The following PRPF40B variants were observed in gnomAD, a reference collection of about 807,000 sequenced individuals.
PRPF40B encodes the protein pre-mRNA-processing factor 40 homolog B.
PRPF40B carries 56 observed loss-of-function variants against 124.5 expected under a neutral mutation model. The ratio of observed to expected loss-of-function variants is 0.45; its 90% CI spans 0.36 to 0.56. PRPF40B has a LOEUF of 0.56. PRPF40B is among the 20% of genes least tolerant of loss of function. The probability of loss-of-function intolerance (pLI) is 0.00; values close to 1 mark genes in which losing one functional copy is unlikely to be tolerated. For missense variants in PRPF40B, 1,053 were observed against 1,169.5 expected (o/e 0.90, Z 1.45); for synonymous variants, 443 against 426.4 (o/e 1.04, Z -0.48).
At chr12:49,627,893 C>G (rs992519867) in intron 1 of PRPF40B, among the ~76,000 whole-genome samples, 1 of 152,104 alleles carries the variant, frequency 6.6e-6, no homozygotes, top group Admixed American at 6.5e-5. Context: ...GTTAACAAGA[C>G]TTGGTGATTT....
rs545080913 is a variant in PRPF40B, at chr12:49,628,602, C to T, written c.4-1943C>T. On this transcript the variant is annotated intron_variant, in intron 1 of 25. Coordinates refer to ENST00000548825, the MANE Select transcript of PRPF40B (RefSeq NM_001031698.3). ...TTTTGGAGACGAAATCTCGCTCTGTCGCCCAGGCTGGAGTTGGAGTGCAGT... is the reference window on the plus strand; with the variant it reads ...TTTTGGAGACGAAATCTCGCTCTGTTGCCCAGGCTGGAGTTGGAGTGCAGT... Among the ~76,000 whole-genome samples the T allele has an allele frequency of 7.2e-5, 10 of 139,356 alleles. No individual in the cohort carries two copies. In the South Asian group the frequency reaches 1.6e-3, roughly 22 times the overall value. The allele number at this position is 139,356 out of a possible 152,430, so 91.4% of individuals were successfully genotyped here. A position where few individuals can be genotyped will look rare whatever the true frequency, so the allele number is the denominator to read the frequency against.
chr12:49,627,055 T>C (rs1940784098), intron 1 of PRPF40B, among the ~76,000 whole-genome samples: 1 of 152,224 alleles, frequency 6.6e-6, no homozygotes, highest in Non-Finnish European at 1.5e-5. Context: ...AGTTAACACA[T>C]ACTTATTAGC....
At chr12:49,634,636 A>G (rs372557731) in intron 12 of PRPF40B, 34 bp downstream of exon 12, 6 of 1,613,296 alleles carry the variant, frequency 3.7e-6, no homozygotes, top group Non-Finnish European at 5.1e-6. Flanking sequence ...GGCCCTGTTC[A>G]TGAGAGCAGC....
Position 49,635,375 on chromosome 12 carries a change from C to A in PRPF40B, c.1177C>A (p.Gln393Lys). 1 of 1,613,508 alleles carries A rather than the reference C, an allele frequency of 6.2e-7. No individual in the cohort carries two copies. Among genetic ancestry groups the A allele is most frequent in the Non-Finnish European group, 8.5e-7 (1 of 1,179,702 alleles). ...TSTTRYRRAE[Q>K]TFGELEVWAV... ...TTATATGCTCCACAGGCGGGCAGAA[C>A]AGACCTTTGGGGAGCTGGAGGTCTG... The change falls in exon 14 of 26, where the codon CAG becomes AAG. Residue 393 changes from glutamine (Q) to lysine (K), a missense_variant. Coordinates refer to ENST00000548825, the MANE Select transcript of PRPF40B (RefSeq NM_001031698.3). The surrounding 1 kb of genome is among the most constrained non-coding windows in gnomAD (Gnocchi z 4.1).
Position 49,637,749 on chromosome 12 carries a change from C to T in PRPF40B, c.1692C>T (p.Asp564=). The stretch of plus-strand genomic sequence containing the variant: ...TCCTTACAGGCTCCACCCCTCTGGA[C>T]TTATTCAAGTTCTATGTGGAGGAGT... ...MLGQPGSTPL[D]LFKFYVEELK... is the part of the protein sequence containing the mutation. Residue 564 remains aspartate (D), a synonymous_variant, in exon 18 of 26, where the codon GAC becomes GAT. Transcript: ENST00000548825. 6.2e-7 allele frequency: 1 copy of T among 1,608,262 alleles called. No homozygotes were observed. Among genetic ancestry groups the T allele is most frequent in the Non-Finnish European group, 8.5e-7 (1 of 1,175,866 alleles).
In PRPF40B at chr12:49,632,438, A is replaced by G. The variant is rs1378598233; in HGVS notation, c.295-158A>G. 14 of 740,834 alleles carry G rather than the reference A, an allele frequency of 1.9e-5. No individual in the cohort carries two copies. The Admixed American group carries it at 3.2e-4, about 17-fold the overall frequency. The allele number at this position is 740,834 out of a possible 1,614,324, so 45.9% of individuals were successfully genotyped here. ...GATTCTCCCTTGGGATCCCAGAGCT[A>G]TGGCCCTGAAGGGTGGGGGAAGCCT... On this transcript the variant is annotated intron_variant, in intron 4 of 25. Coordinates refer to ENST00000548825, the MANE Select transcript of PRPF40B (RefSeq NM_001031698.3).
rs759534743 is a variant in PRPF40B at position 49,643,278 on chromosome 12, G to A, written c.2261G>A (p.Arg754Gln). 1.8e-5 allele frequency: 29 copies of A among 1,613,830 alleles called. No individual in the cohort carries two copies. The highest frequency in any genetic ancestry group is 2.2e-5 in the East Asian group (1 of 44,894). Residue 754 changes from arginine (R) to glutamine (Q), a missense_variant, in exon 23 of 26, where the codon CGG becomes CAG. Physicochemically the swap from Arg to Gln is conservative, Grantham distance 43 (BLOSUM62 1). Transcript: ENST00000548825. ...LPPPSLRPPKRRRRNPSESGS... is the reference protein window; with the variant it reads ...LPPPSLRPPKQRRRNPSESGS... ...CCACCATCTCTCCGGCCCCCCAAGC[G>A]GAGGAGGCGGAACCCCTCAGAGTCA...
chr12:49,635,768 C>A lies in PRPF40B; in HGVS notation c.1276-75C>A. ...CTAGGGTTCCCTAGCTACCTTTCCC[C>A]AGGTCCTCCTCTGCCCAGGCCTACT... On this transcript the variant is annotated intron_variant, in intron 14 of 25. Coordinates refer to ENST00000548825, the MANE Select transcript of PRPF40B (RefSeq NM_001031698.3). The surrounding 1 kb of genome is among the most constrained non-coding windows in gnomAD (Gnocchi z 4.1). 1 of 1,562,818 alleles carries A rather than the reference C, an allele frequency of 6.4e-7. No homozygotes were observed. The highest frequency in any genetic ancestry group is 8.7e-7 in the Non-Finnish European group (1 of 1,147,874).
At chr12:49,623,743 C>G (rs1395481655) in intron 1 of PRPF40B, 150 bp downstream of exon 1, 34 of 119,876 alleles carry the variant, frequency 2.8e-4, no homozygotes, top group Non-Finnish European at 3.3e-4. Flanking sequence ...GAAGAGAGCC[C>G]GGGAGGGGGG....
chr12:49,625,741 T>C (rs1221642859), intron 1 of PRPF40B, among the ~76,000 whole-genome samples: 1 of 152,246 alleles, frequency 6.6e-6, no homozygotes, highest in Non-Finnish European at 1.5e-5. Context: ...ACACAGGATC[T>C]GCTTCTCTTT....
rs993910951 is a variant in PRPF40B at position 49,642,267 on chromosome 12, G to C, written c.1917G>C (p.Glu639Asp). The C allele has an allele frequency of 2.5e-6, 4 of 1,614,224 alleles. No individual in the cohort carries two copies. Among genetic ancestry groups the C allele is most frequent in the Admixed American group, 1.7e-5 (1 of 60,034 alleles). ...AGAAAGCAGAGGCACGGGAGAGGGA[G>C]CGGGAGAAGGAGGAGGCACGCAGGA... ...LLEKAEARER[E>D]REKEEARRMR... The change falls in exon 20 of 26, where the codon GAG becomes GAC. Residue 639 changes from glutamate to aspartate, a missense_variant. Physicochemically the swap from Glu to Asp is conservative, Grantham distance 45 (BLOSUM62 2). Around this residue, in one of 2 missense-constraint regions of PRPF40B, gnomAD observed 895 missense variants for 1,052.2 expected, o/e 0.85. Transcript: ENST00000548825. The surrounding 1 kb of genome is among the most constrained non-coding windows in gnomAD (Gnocchi z 5.8).
intron 1 of PRPF40B, among the ~76,000 whole-genome samples, chr12:49,625,557 G>C (rs1007940685): frequency 6.6e-6 from 1 of 151,562 alleles, no homozygotes; most frequent in African/African-American, 2.4e-5. Flanking sequence ...TTATTCTTCT[G>C]AGTGCTAAGT....
Position 49,643,231 on chromosome 12 carries a change from G to C in PRPF40B, c.2214G>C (p.Glu738Asp), listed in dbSNP as rs1946295667. Reference protein sequence around the residue: ...HKRSHSPSGSESEEEELPPPS... With the variant: ...HKRSHSPSGSDSEEEELPPPS... ...TCTGCTGATCTGCCCAGGGCTCTGA[G>C]TCAGAAGAAGAGGAGCTGCCCCCAC... Residue 738 changes from glutamate to aspartate, a missense_variant, in exon 23 of 26, where the codon GAG becomes GAC. By Grantham distance (45) the Glu-to-Asp change is conservative. Around this residue, in one of 2 missense-constraint regions of PRPF40B, gnomAD observed 895 missense variants for 1,052.2 expected, o/e 0.85. Coordinates refer to ENST00000548825, the MANE Select transcript of PRPF40B (RefSeq NM_001031698.3). The C allele has an allele frequency of 5.0e-6, 8 of 1,613,986 alleles. No individual in the cohort carries two copies. Among genetic ancestry groups the C allele is most frequent in the Non-Finnish European group, 6.8e-6 (8 of 1,180,026 alleles).
At position 49,643,681 on chromosome 12, in the gene PRPF40B, C is replaced by T; in HGVS notation, c.2381-10C>T. The T allele has an allele frequency of 6.2e-7, 1 of 1,611,998 alleles. No homozygotes were observed. The highest frequency in any genetic ancestry group is 8.5e-7 in the Non-Finnish European group (1 of 1,179,440). On this transcript the variant is annotated splice_polypyrimidine_tract_variant and intron_variant, in intron 23 of 25. Coordinates refer to ENST00000548825, the MANE Select transcript of PRPF40B (RefSeq NM_001031698.3). ...CTGTTGGGACTTAGTAGGGATTTTT[C>T]TATCTCTAGATCATGGCCTTCGGAA...
intron 1 of PRPF40B, among the ~76,000 whole-genome samples, chr12:49,628,095 A>G (rs1040387125): frequency 5.3e-5 from 8 of 152,132 alleles, no homozygotes; most frequent in Non-Finnish European, 1.0e-4. Context: ...TTCCTCCACT[A>G]TTGATTAGTT....
In PRPF40B at chr12:49,633,639, C is replaced by G. The variant is rs760274324; in HGVS notation, c.583C>G (p.Leu195Val). 1.9e-6 allele frequency: 3 copies of G among 1,614,184 alleles called. No individual in the cohort carries two copies. The highest frequency in any genetic ancestry group is 2.2e-5 in the East Asian group (1 of 44,884). ...RPKDLDDLEV[L>V]VKQEAAGKQQ... ...TGTGTTATCTTTTCCCATCACAGTT[C>G]TAGTCAAACAAGAGGCTGCAGGGTG... Residue 195 changes from leucine (L) to valine (V), a missense_variant and splice_region_variant, in exon 9 of 26, where the codon CTA becomes GTA. Transcript: ENST00000548825.
chr12:49,634,854 G>T, intron 12 of PRPF40B: 1 of 633,512 alleles, frequency 1.6e-6, no homozygotes, highest in Non-Finnish European at 2.7e-6. Context: ...GGGAATGAGG[G>T]TGCTGGATAG....
chr12:49,639,666 T>C, intron 18 of PRPF40B: 1 of 152,032 alleles, frequency 6.6e-6, no homozygotes, highest in East Asian at 1.9e-4. Flanking sequence ...TCTATTTTAA[T>C]AAACTGTTTC....
At position 49,634,894 on chromosome 12, in the gene PRPF40B, C is replaced by T. The variant is rs73305068; in HGVS notation, c.1002-205C>T. On this transcript the variant is annotated intron_variant, in intron 12 of 25. Transcript: ENST00000548825. ...ACTTGAGAACCCCAAAGGAAAAGGG[C>T]CCAGTATTTGCAGTGTCTTGGAGCT... 3.2e-3 allele frequency: 2,117 copies of T among 651,466 alleles called. 40 individuals carry two copies. The African/African-American group carries it at 0.035, about 11-fold the overall frequency. 40.4% of individuals were successfully genotyped at this position (651,466 alleles called of 1,614,324 possible).
Sources: allele counts gnomAD v4.1 joint callset (sites outside exome capture counted in the v4.1 genomes callset), GRCh38; gene constraint gnomAD v4.1.1; regional missense constraint gnomAD v4.1.1; non-coding constraint Gnocchi (gnomAD v3.1); transcripts MANE v1.5; gene names NCBI Gene and HGNC (gene_info 2026-07-23, HGNC 2026-07-21).